The following AGBL1 variants were observed in gnomAD, a reference collection of about 807,000 sequenced individuals.
The protein encoded by AGBL1 is AGBL carboxypeptidase 1.
Under a neutral mutation model 118.9 loss-of-function variants are expected in AGBL1, and 130 were observed. The observed-to-expected ratio is 1.09, with a 90% CI of 0.95 to 1.26. The LOEUF is 1.26. Ranked by LOEUF, AGBL1 falls within the 50% of genes most tolerant of loss-of-function variation. AGBL1 has a pLI of 0.00. For missense variants in AGBL1, 1,584 were observed against 1,298.1 expected (o/e 1.22, Z -3.38); for synonymous variants, 555 against 478.9 (o/e 1.16, Z -2.08).
chr15:86,419,156 G>A (rs1459078896), intron 18 of AGBL1, among the ~76,000 whole-genome samples: 8 of 151,712 alleles, frequency 5.3e-5, no homozygotes, highest in African/African-American at 1.9e-4. Context: ...GCAAAATTTG[G>A]GGGGTGGCTG....
intron 22 of AGBL1, among the ~76,000 whole-genome samples, chr15:86,718,820 GAAGT>G (rs1441972111): frequency 1.3e-5 from 2 of 152,152 alleles, no homozygotes; most frequent in African/African-American, 4.8e-5. Context: ...AGAAACAAAT[GAAGT>G]AAGTCTTTTT....
At chr15:86,405,848 T>C (rs1164120568) in intron 18 of AGBL1, among the ~76,000 whole-genome samples, 1 of 151,500 alleles carries the variant, frequency 6.6e-6, no homozygotes, top group South Asian at 2.1e-4. Flanking sequence ...AAAAAAAAGA[T>C]TAAGAACTGT....
intron 22 of AGBL1, among the ~76,000 whole-genome samples, chr15:86,808,113 C>T (rs2078742541): frequency 6.6e-6 from 1 of 152,122 alleles, no homozygotes; most frequent in African/African-American, 2.4e-5. Context: ...CCTCCTGTTT[C>T]TCCCTTTATT....
intron 21 of AGBL1, among the ~76,000 whole-genome samples, chr15:86,629,639 G>T (rs184055810): frequency 9.9e-5 from 15 of 152,242 alleles, no homozygotes; most frequent in African/African-American, 3.1e-4. Context: ...AGGTACAAAG[G>T]TTTAATTTTT....
At chr15:86,774,584 AGCTCTCAGG>A (rs57467624) in intron 22 of AGBL1, among the ~76,000 whole-genome samples, 18,344 of 152,100 alleles carry the variant, frequency 0.12, 1,277 homozygotes, top group East Asian at 0.28. Context: ...TGCAACAGGT[AGCTCTCAGG>A]GCAGGAAGCT....
At chr15:86,746,559 T>C (rs1006010193) in intron 22 of AGBL1, among the ~76,000 whole-genome samples, 1 of 152,076 alleles carries the variant, frequency 6.6e-6, no homozygotes, top group African/African-American at 2.4e-5. Flanking sequence ...GACTGTGAGG[T>C]CCCAGGAGCT....
intron 22 of AGBL1, among the ~76,000 whole-genome samples, chr15:86,863,472 C>A (rs1330648429): frequency 6.6e-6 from 1 of 151,982 alleles, no homozygotes; most frequent in African/African-American, 2.4e-5. Flanking sequence ...GGCCAGGAAG[C>A]CACAGTAATC....
At chr15:86,092,130 TC>T (rs545905372) in intron 1 of AGBL1, among the ~76,000 whole-genome samples, 19 of 152,220 alleles carry the variant, frequency 1.2e-4, no homozygotes, top group Non-Finnish European at 2.1e-4. Context: ...GTTCTTGTCC[TC>T]CCAGATATGA....
intron 22 of AGBL1, among the ~76,000 whole-genome samples, chr15:86,776,199 A>G (rs984473958): frequency 8.5e-5 from 13 of 152,116 alleles, no homozygotes; most frequent in African/African-American, 3.1e-4. Flanking sequence ...ATAGATGATC[A>G]CAGTTTACAG....
chr15:86,674,170 C>A (rs2085794652), intron 21 of AGBL1, 103 bp from the exon 22 acceptor site: 4 of 1,091,614 alleles, frequency 3.7e-6, no homozygotes, highest in African/African-American at 3.1e-5. Flanking sequence ...TTCTCACTGT[C>A]TGAAAAATGC....
At chr15:86,729,537 T>C (rs2077500909) in intron 22 of AGBL1, among the ~76,000 whole-genome samples, 1 of 152,248 alleles carries the variant, frequency 6.6e-6, no homozygotes, top group African/African-American at 2.4e-5. Context: ...TATTTTGTTT[T>C]CTGTTCCTGT....
intron 22 of AGBL1, among the ~76,000 whole-genome samples, chr15:86,883,142 CATTA>C (rs781636004): frequency 3.8e-4 from 58 of 152,194 alleles, no homozygotes; most frequent in Non-Finnish European, 4.9e-4. Context: ...ACATTGCTTC[CATTA>C]ATTATGTTTT....
At chr15:86,112,688 T>C (rs1176980841) in intron 1 of AGBL1, among the ~76,000 whole-genome samples, 1 of 152,218 alleles carries the variant, frequency 6.6e-6, no homozygotes, top group African/African-American at 2.4e-5. Context: ...CCAGGAAAGA[T>C]GTAGCAATTT....
At chr15:86,251,801 G>C (rs1037721627) in intron 7 of AGBL1, among the ~76,000 whole-genome samples, 1 of 143,768 alleles carries the variant, frequency 7.0e-6, no homozygotes, top group Non-Finnish European at 1.5e-5. Context: ...GAAGACGGAT[G>C]ACAATTTGAA....
chr15:86,104,537 T>A (rs1208869884), intron 1 of AGBL1, among the ~76,000 whole-genome samples: 1 of 152,146 alleles, frequency 6.6e-6, no homozygotes, highest in Non-Finnish European at 1.5e-5. Context: ...TGGCAATGGC[T>A]GTATGTGGGG....
At chr15:86,214,422 A>G (rs895887652) in intron 5 of AGBL1, among the ~76,000 whole-genome samples, 2 of 152,184 alleles carry the variant, frequency 1.3e-5, no homozygotes, top group Admixed American at 1.3e-4. Flanking sequence ...GCTTAATTAT[A>G]TTATTTACTC....
intron 21 of AGBL1, among the ~76,000 whole-genome samples, chr15:86,626,968 G>C (rs991332760): frequency 6.6e-6 from 1 of 151,190 alleles, no homozygotes; most frequent in Non-Finnish European, 1.5e-5. Flanking sequence ...CTCCAGTGTA[G>C]CTGGGACTAC....
chr15:86,390,423 C>A (rs1156514025), intron 17 of AGBL1, among the ~76,000 whole-genome samples: 1 of 151,966 alleles, frequency 6.6e-6, no homozygotes, highest in Non-Finnish European at 1.5e-5. Flanking sequence ...ACATTGTACC[C>A]AACAACATTC....
intron 17 of AGBL1, among the ~76,000 whole-genome samples, chr15:86,330,593 A>G (rs1290123333): frequency 1.3e-5 from 2 of 152,344 alleles, no homozygotes; most frequent in East Asian, 3.9e-4. Flanking sequence ...TGATACCACC[A>G]AAGGATCTCG....
Sources: allele counts gnomAD v4.1 joint callset (sites outside exome capture counted in the v4.1 genomes callset), GRCh38; gene constraint gnomAD v4.1.1; transcripts MANE v1.5; gene names NCBI Gene and HGNC (gene_info 2026-07-23, HGNC 2026-07-21).